AQP10: variants seen among roughly 807,000 people sequenced by gnomAD.
AQP10 encodes the protein aquaporin 10.
AQP10 carries 15 observed loss-of-function variants against 21.0 expected under a neutral mutation model. The observed-to-expected ratio is 0.71, with a 90% confidence interval of 0.48 to 1.10. The LOEUF is 1.10. AQP10 is among the 50% of genes least tolerant of loss of function. The pLI is 0.00. For missense variants in AQP10, 268 were observed against 379.5 expected, an observed-to-expected ratio of 0.71 and a Z score of 2.44; for synonymous variants, 143 against 155.7, an observed-to-expected ratio of 0.92 and a Z score of 0.61.
intron 1 of AQP10, among the ~76,000 whole-genome samples, 181 bp downstream of exon 1, chr1:154,321,441 G>A (rs960987123): frequency 2.0e-5 from 3 of 151,490 alleles, no homozygotes; most frequent in African/African-American, 7.3e-5. Flanking sequence ...TTTTATTCTT[G>A]TCATTTTTAT....
rs182541813 is a variant in AQP10, at chr1:154,322,403, C to T, written c.232+344C>T. ...CCCAGATACACACTGCATCGGTGTGCTTGGGTGGAGCCTTGAGACATAGTG... is the reference window on the plus strand; with the variant it reads ...CCCAGATACACACTGCATCGGTGTGTTTGGGTGGAGCCTTGAGACATAGTG... On this transcript the variant is annotated intron_variant, in intron 2 of 5. Coordinates refer to ENST00000324978, the MANE Select transcript of AQP10 (RefSeq NM_080429.3). Among the ~76,000 whole-genome samples the T allele has an allele frequency of 2.6e-5, 4 of 151,882 alleles. No individual in the cohort carries two copies. The East Asian group carries it at 5.8e-4, about 22-fold the overall frequency.
In AQP10 at chr1:154,323,369, A is replaced by C. The variant is rs767200900; in HGVS notation, c.489+10A>C. The C allele has an allele frequency of 1.3e-5, 21 of 1,609,898 alleles. No homozygotes were observed. The East Asian group carries it at 4.7e-4, about 36-fold the overall frequency. ...TGGCTTCCTGGATCAGGTAAGTGTG[A>C]GGGGGAGACCTGGGGACACTACTTT... is the stretch of plus-strand genomic sequence containing the variant. On this transcript the variant is annotated intron_variant, in intron 4 of 5. Transcript: ENST00000324978. This position sits in a 1 kb window ranked among gnomAD's most constrained non-coding sequence, Gnocchi z 4.5.
At chr1:154,322,495 T>TC (rs1558263948) in intron 2 of AQP10, among the ~76,000 whole-genome samples, 3 of 93,886 alleles carry the variant, frequency 3.2e-5, no homozygotes, top group Non-Finnish European at 4.7e-5. Flanking sequence ...TCTTCTTTTT[T>TC]TTTTTTTTTT....
At chr1:154,322,761 G>A (rs768014335) in intron 2 of AQP10, among the ~76,000 whole-genome samples, 2 of 152,122 alleles carry the variant, frequency 1.3e-5, no homozygotes, top group Non-Finnish European at 2.9e-5. Flanking sequence ...GCCTCCCAAA[G>A]TGCTGGGATT....
At chr1:154,321,291 G>A (rs747565589) in intron 1 of AQP10, 31 bp downstream of exon 1, 3 of 1,583,492 alleles carry the variant, frequency 1.9e-6, no homozygotes, top group East Asian at 4.6e-5. Flanking sequence ...AAGGAAAGAA[G>A]GGGGTTGGGC....
At position 154,322,076 on chromosome 1, in the gene AQP10, C is replaced by T. The variant is rs763274390; in HGVS notation, c.232+17C>T. On this transcript the variant is annotated intron_variant, in intron 2 of 5. Transcript: ENST00000324978. ...ACGTCTCAGGTGAGGAGGGTGGGGT[C>T]TGGTCATCAGAGCACGTGGGATGTG... The T allele has an allele frequency of 6.2e-7, 1 of 1,612,928 alleles. No homozygotes were observed. The highest frequency in any genetic ancestry group is 8.5e-7 in the Non-Finnish European group (1 of 1,179,410).
chr1:154,323,546 C>A lies in AQP10; in HGVS notation c.490-43C>A. On this transcript the variant is annotated intron_variant, in intron 4 of 5. Transcript: ENST00000324978. The surrounding 1 kb of genome is among the most constrained non-coding windows in gnomAD (Gnocchi z 4.5). ...TGGATGAGAGAGGGCAGATGGAGCA[C>A]CTGGCAGCTGACAGGGAACCCTCTG... 1 of 1,590,362 alleles carries A rather than the reference C, an allele frequency of 6.3e-7. No individual in the cohort carries two copies.
At position 154,323,493 on chromosome 1, in the gene AQP10, T is replaced by C; in HGVS notation, c.490-96T>C. 5.9e-6 allele frequency: 9 copies of C among 1,513,058 alleles called. No individual in the cohort carries two copies. The highest frequency in any genetic ancestry group is 2.2e-4 in the Middle Eastern group (1 of 4,632). 93.7% of individuals were successfully genotyped at this position (1,513,058 alleles called of 1,614,324 possible). A position where few individuals can be genotyped will look rare whatever the true frequency, so the allele number is the denominator to read the frequency against. ...CCCCACCATCCCCAACTGCCTGTGT[T>C]GCACAAAGCCAGATGACATGGAATA... On this transcript the variant is annotated intron_variant, in intron 4 of 5. Coordinates refer to ENST00000324978, the MANE Select transcript of AQP10 (RefSeq NM_080429.3). The surrounding 1 kb of genome is among the most constrained non-coding windows in gnomAD (Gnocchi z 4.5).
chr1:154,323,640 C>CG lies in AQP10; in HGVS notation c.543dup (p.Asn182GlufsTer52), dbSNP rs1215968992. The CG allele has an allele frequency of 2.5e-6, 4 of 1,614,040 alleles. No individual in the cohort carries two copies. The African/African-American group carries it at 5.3e-5, about 22-fold the overall frequency. On this transcript the variant is annotated frameshift_variant, in exon 5 of 6. Coordinates refer to ENST00000324978, the MANE Select transcript of AQP10 (RefSeq NM_080429.3). LOFTEE classifies it high-confidence loss of function. The surrounding 1 kb of genome is among the most constrained non-coding windows in gnomAD (Gnocchi z 4.5). ...GGGGCTCTTGGCCATCCTGGACAGA[C>CG]GGAACAAGGGAGTCCCTGCGGGTCT...
In AQP10 at chr1:154,323,172, G is replaced by C; in HGVS notation, c.370+53G>C. 1.9e-6 allele frequency: 3 copies of C among 1,613,974 alleles called. No homozygotes were observed. The highest frequency in any genetic ancestry group is 2.5e-6 in the Non-Finnish European group (3 of 1,179,836). ...CCTTGAGAGCACCTGTGGGTGGGCA[G>C]GGGTGCCTCAGAATGGTTTTGGATG... On this transcript the variant is annotated intron_variant, in intron 3 of 5. Coordinates refer to ENST00000324978, the MANE Select transcript of AQP10 (RefSeq NM_080429.3). The surrounding 1 kb of genome is among the most constrained non-coding windows in gnomAD (Gnocchi z 4.5).
chr1:154,322,427 T>A (rs554964391), intron 2 of AQP10, among the ~76,000 whole-genome samples: 1 of 151,634 alleles, frequency 6.6e-6, no homozygotes, highest in East Asian at 1.9e-4. Flanking sequence ...TGAGACATAG[T>A]GTGTTGCTGT....
intron 2 of AQP10, 136 bp from the exon 3 acceptor site, chr1:154,322,846 T>C: frequency 8.6e-7 from 1 of 1,162,992 alleles, no homozygotes; most frequent in Non-Finnish European, 1.2e-6. Context: ...ATCTGGAGCC[T>C]CAATTTCCTA....
intron 1 of AQP10, 53 bp from the exon 2 acceptor site, chr1:154,321,880 C>T: frequency 1.2e-6 from 2 of 1,607,836 alleles, no homozygotes. Context: ...CCCAACCTTT[C>T]TCCCTGTTGG....
Position 154,323,094 on chromosome 1 carries a change from G to C in AQP10, c.345G>C (p.Ser115=). Residue 115 remains serine, a synonymous_variant, in exon 3 of 6, where the codon TCG becomes TCC. Coordinates refer to ENST00000324978, the MANE Select transcript of AQP10 (RefSeq NM_080429.3). The surrounding 1 kb of genome is among the most constrained non-coding windows in gnomAD (Gnocchi z 4.5). ...AGTTGCTGTCTGCTTTCTGTGCTTCGGGAGCCACCTATGTTCTCTACCATG... is the reference window on the plus strand; with the variant it reads ...AGTTGCTGTCTGCTTTCTGTGCTTCCGGAGCCACCTATGTTCTCTACCATG... ...LVQLLSAFCA[S]GATYVLYHDA... 1.9e-6 allele frequency: 3 copies of C among 1,614,104 alleles called. No homozygotes were observed. Among genetic ancestry groups the C allele is most frequent in the Non-Finnish European group, 2.5e-6 (3 of 1,180,022 alleles).
chr1:154,321,117 G>A lies in AQP10; in HGVS notation c.-39G>A. On this transcript the variant is annotated 5_prime_UTR_variant, in exon 1 of 6. Transcript: ENST00000324978. ...TGTGCAGTGACAGTGTGCCTATGCA[G>A]ACAGAGGGAGCAGTGAATAGCAATA... 1 of 1,548,514 alleles carries A rather than the reference G, an allele frequency of 6.5e-7. No homozygotes were observed.
Position 154,323,645 on chromosome 1 carries a change from C to G in AQP10, c.546C>G (p.Asn182Lys). 1 of 1,614,200 alleles carries G rather than the reference C, an allele frequency of 6.2e-7. No homozygotes were observed. Among genetic ancestry groups the G allele is most frequent in the South Asian group, 1.1e-5 (1 of 91,086 alleles). ...TCTTGGCCATCCTGGACAGACGGAA[C>G]AAGGGAGTCCCTGCGGGTCTGGAGC... is the stretch of plus-strand genomic sequence containing the variant. The part of the protein sequence containing the change: ...VGLLAILDRR[N>K]KGVPAGLEPV... Residue 182 changes from asparagine (N) to lysine (K), a missense_variant, in exon 5 of 6, where the codon AAC becomes AAG. Asn to Lys is a moderately conservative substitution (Grantham distance 94, BLOSUM62 0). This residue lies in a region of AQP10 where 229 missense variants were observed against 295.1 expected (regional missense o/e 0.78). Coordinates refer to ENST00000324978, the MANE Select transcript of AQP10 (RefSeq NM_080429.3). This position sits in a 1 kb window ranked among gnomAD's most constrained non-coding sequence, Gnocchi z 4.5.
At chr1:154,324,211 C>T (rs1377144296) in intron 5 of AQP10, 71 bp from the exon 6 acceptor site, 27 of 1,395,794 alleles carry the variant, frequency 1.9e-5, no homozygotes, top group Non-Finnish European at 2.5e-5. Context: ...CTTGTTACTG[C>T]CCCCCGTCCT....
rs140477648 is a variant in AQP10 at position 154,323,049 on chromosome 1, C to T, written c.300C>T (p.Leu100=). 6.2e-7 allele frequency: 1 copy of T among 1,614,198 alleles called. No individual in the cohort carries two copies. The highest frequency in any genetic ancestry group is 8.5e-7 in the Non-Finnish European group (1 of 1,180,038). The change falls in exon 3 of 6, where the codon CTC becomes CTT. Residue 100 remains leucine (L), a synonymous_variant. Transcript: ENST00000324978. The surrounding 1 kb of genome is among the most constrained non-coding windows in gnomAD (Gnocchi z 4.5). The part of the protein sequence containing the change: ...CIVGRLPWVK[L]PIYILVQLLS... ...TTGGACGCCTCCCCTGGGTCAAGCTCCCCATTTACATCTTGGTGCAGTTGC... is the reference window on the plus strand; with the variant it reads ...TTGGACGCCTCCCCTGGGTCAAGCTTCCCATTTACATCTTGGTGCAGTTGC...
Position 154,324,537 on chromosome 1 carries a change from G to T in AQP10, c.*57G>T. 1 of 1,539,120 alleles carries T rather than the reference G, an allele frequency of 6.5e-7. No homozygotes were observed. The highest frequency in any genetic ancestry group is 8.9e-7 in the Non-Finnish European group (1 of 1,129,136). On this transcript the variant is annotated 3_prime_UTR_variant, in exon 6 of 6. Transcript: ENST00000324978. ...TGGAGCCAGCCACTGACCCCGCCTG[G>T]GAACAACAGTCATTCTTCCTCTTTG... is the stretch of plus-strand genomic sequence containing the variant.
Sources: allele counts gnomAD v4.1 joint callset (sites outside exome capture counted in the v4.1 genomes callset), GRCh38; gene constraint gnomAD v4.1.1; regional missense constraint gnomAD v4.1.1; non-coding constraint Gnocchi (gnomAD v3.1); transcripts MANE v1.5; gene names NCBI Gene and HGNC (gene_info 2026-07-23, HGNC 2026-07-21).